Variants in FRMD3 observed in about 807,000 individuals in gnomAD.
The protein encoded by FRMD3 is FERM domain containing 3.
In FRMD3, 33 loss-of-function variants were observed where a neutral mutation model predicts 70.2. The ratio of observed to expected loss-of-function variants is 0.47; its 90% confidence interval spans 0.36 to 0.63. The LOEUF (loss-of-function observed/expected upper bound fraction) is 0.63, where lower values mean the gene tolerates loss of function less well. Among genes scored for constraint, FRMD3 ranks in the 20% least tolerant of loss-of-function variants. FRMD3 has a pLI of 0.00. For synonymous variants in FRMD3, 279 were observed against 255.9 expected (o/e 1.09, Z -0.86); for missense variants, 632 against 711.4 (o/e 0.89, Z 1.27).
At chr9:83,258,213 G>A (rs1832811510) in intron 13 of FRMD3, among the ~76,000 whole-genome samples, 1 of 152,158 alleles carries the variant, frequency 6.6e-6, no homozygotes, top group South Asian at 2.1e-4. Context: ...ACTGATAGAT[G>A]CTATTACTAG....
intron 1 of FRMD3, among the ~76,000 whole-genome samples, chr9:83,483,124 G>T (rs1303264980): frequency 1.3e-5 from 2 of 152,218 alleles, no homozygotes. Flanking sequence ...GGTGAAAGGT[G>T]ATTGAATCAT....
At chr9:83,334,052 T>C (rs1280440000) in intron 6 of FRMD3, among the ~76,000 whole-genome samples, 2 of 152,118 alleles carry the variant, frequency 1.3e-5, no homozygotes, top group Non-Finnish European at 2.9e-5. Context: ...ATAGAAAACC[T>C]TTCCATTCCC....
chr9:83,504,361 T>C (rs1285874787), intron 1 of FRMD3, among the ~76,000 whole-genome samples: 2 of 152,162 alleles, frequency 1.3e-5, no homozygotes, highest in Non-Finnish European at 2.9e-5. Context: ...TGCATGATCC[T>C]CTTTAAAAAC....
At chr9:83,503,057 T>C (rs368516110) in intron 1 of FRMD3, among the ~76,000 whole-genome samples, 5 of 152,192 alleles carry the variant, frequency 3.3e-5, no homozygotes, top group African/African-American at 9.7e-5. Flanking sequence ...TGATATTGGC[T>C]GCAAAAGACT....
At chr9:83,479,716 G>GA (rs1828508415) in intron 1 of FRMD3, among the ~76,000 whole-genome samples, 3 of 63,384 alleles carry the variant, frequency 4.7e-5, no homozygotes, top group East Asian at 3.3e-4. Flanking sequence ...AAGAAAGAAA[G>GA]AAAGAAAAGA....
At chr9:83,384,350 C>T (rs959542211) in intron 2 of FRMD3, among the ~76,000 whole-genome samples, 4 of 152,144 alleles carry the variant, frequency 2.6e-5, no homozygotes, top group African/African-American at 9.7e-5. Context: ...AGGAAGCAGC[C>T]TCTCAATGGC....
intron 13 of FRMD3, chr9:83,266,965 C>T (rs1467571446): frequency 2.6e-6 from 4 of 1,533,746 alleles, no homozygotes; most frequent in Non-Finnish European, 3.5e-6. Context: ...AAGCTGGAAG[C>T]CCGCACACTT....
rs926356242 is a variant in FRMD3, at chr9:83,310,336, C to G, written c.837+149G>C. On this transcript the variant is annotated intron_variant, in intron 9 of 13. Transcript: ENST00000304195. ...AAACCCAGTACTCATTTGTTTGCCT[C>G]TAAAATATTTTTAGCATATAGCTTT... 106 of 723,064 alleles carry G rather than the reference C, an allele frequency of 1.5e-4. No homozygotes were observed. In the East Asian group the frequency reaches 1.9e-3, roughly 13 times the overall value. The allele number at this position is 723,064 out of a possible 1,614,324, so 44.8% of individuals were successfully genotyped here. A position where few individuals can be genotyped will look rare whatever the true frequency, so the allele number is the denominator to read the frequency against.
chr9:83,365,103 C>T (rs1291823116), intron 3 of FRMD3, among the ~76,000 whole-genome samples: 1 of 152,170 alleles, frequency 6.6e-6, no homozygotes, highest in Non-Finnish European at 1.5e-5. Context: ...AAGGACCCAC[C>T]AGTGGTCTTT....
chr9:83,430,130 C>A (rs1826929175), intron 1 of FRMD3, among the ~76,000 whole-genome samples: 1 of 152,164 alleles, frequency 6.6e-6, no homozygotes, highest in Non-Finnish European at 1.5e-5. Flanking sequence ...TATCCCTAGC[C>A]TTGGTCTCAA....
chr9:83,375,446 T>C (rs932084721), intron 2 of FRMD3, among the ~76,000 whole-genome samples: 21 of 152,236 alleles, frequency 1.4e-4, no homozygotes, highest in African/African-American at 5.1e-4. Context: ...AGGTGATCTC[T>C]ACACACTTTT....
chr9:83,480,328 T>A (rs1186957786), intron 1 of FRMD3, among the ~76,000 whole-genome samples: 1 of 152,130 alleles, frequency 6.6e-6, no homozygotes, highest in African/African-American at 2.4e-5. Context: ...CAGTCAGCCC[T>A]CCATATCCCT....
At chr9:83,501,037 T>C (rs1244480474) in intron 1 of FRMD3, among the ~76,000 whole-genome samples, 2 of 152,198 alleles carry the variant, frequency 1.3e-5, no homozygotes, top group Admixed American at 6.5e-5. Flanking sequence ...ACAAAGAAAT[T>C]TAGTTATTCT....
chr9:83,546,056 T>G, the FRMD3 span, among the ~76,000 whole-genome samples: 3 of 149,692 alleles, frequency 2.0e-5, no homozygotes, highest in Non-Finnish European at 4.4e-5. Flanking sequence ...CTATTTTCAG[T>G]CTTCAAAAAA....
chr9:83,320,894 A>G (rs899178571), intron 6 of FRMD3, among the ~76,000 whole-genome samples: 2 of 152,128 alleles, frequency 1.3e-5, no homozygotes, highest in African/African-American at 4.8e-5. Context: ...TGGTCAGTTC[A>G]GAAGTTTTAT....
At chr9:83,310,679 G>T (rs1258319475) in intron 8 of FRMD3, 131 bp from the exon 9 acceptor site, 2 of 670,164 alleles carry the variant, frequency 3.0e-6, no homozygotes, top group African/African-American at 3.6e-5. Context: ...CATTGGTGAA[G>T]GTCTAATGGG....
At chr9:83,473,054 C>T (rs1409254876) in intron 1 of FRMD3, among the ~76,000 whole-genome samples, 1 of 152,228 alleles carries the variant, frequency 6.6e-6, no homozygotes, top group Admixed American at 6.5e-5. Flanking sequence ...CTTTCTGCAT[C>T]CTGCCAGTTT....
intron 13 of FRMD3, among the ~76,000 whole-genome samples, chr9:83,264,816 G>GT (rs1348840050): frequency 6.6e-6 from 1 of 150,610 alleles, no homozygotes; most frequent in Admixed American, 6.6e-5. Flanking sequence ...GTGGGGGGAG[G>GT]GGGGAAGGTA....
chr9:83,266,357 G>C (rs1362590644), intron 13 of FRMD3, among the ~76,000 whole-genome samples: 1 of 152,142 alleles, frequency 6.6e-6, no homozygotes, highest in African/African-American at 2.4e-5. Context: ...ACATTTTCCA[G>C]GTTGTATTTT....
Sources: gnomAD v4.1 joint callset for allele counts (sites outside exome capture counted in the v4.1 genomes callset) on GRCh38, gnomAD v4.1.1 for gene constraint, MANE v1.5 for transcripts, NCBI Gene and HGNC (gene_info 2026-07-23, HGNC 2026-07-21) for gene names.